Variants in ANTXR1 observed in about 807,000 individuals in gnomAD.
ANTXR1 encodes ANTXR cell adhesion molecule 1, also known as anthrax toxin receptor 1.
A neutral mutation model predicts 78.1 loss-of-function variants in ANTXR1; 19 were observed. That is an observed-to-expected ratio of 0.24 (90% confidence interval 0.17 to 0.36). The LOEUF is 0.36. Among genes scored for constraint, ANTXR1 ranks in the 10% least tolerant of loss-of-function variants. The pLI, the probability that ANTXR1 is intolerant of heterozygous loss-of-function variation, is 1.00. For missense variants in ANTXR1, 518 were observed against 718.6 expected (o/e 0.72, Z 3.19); for synonymous variants, 273 against 260.5 (o/e 1.05, Z -0.46).
chr2:69,106,562 A>C (rs1294892286), intron 10 of ANTXR1, among the ~76,000 whole-genome samples: 14 of 152,252 alleles, frequency 9.2e-5, no homozygotes, highest in Admixed American at 8.5e-4. Flanking sequence ...ATCAGGCTCC[A>C]GCAGGATACA....
At chr2:69,185,190 A>G (rs1674387537) in intron 16 of ANTXR1, among the ~76,000 whole-genome samples, 1 of 152,202 alleles carries the variant, frequency 6.6e-6, no homozygotes, top group Non-Finnish European at 1.5e-5. Context: ...AAGATCTACT[A>G]AATCAAAAAC....
chr2:69,207,489 G>A (rs1157826991), intron 17 of ANTXR1, among the ~76,000 whole-genome samples: 1 of 152,192 alleles, frequency 6.6e-6, no homozygotes, highest in African/African-American at 2.4e-5. Flanking sequence ...AGAGAGAGAT[G>A]CAGTTTCACG....
chr2:69,223,928 C>G (rs1239735487), intron 17 of ANTXR1, among the ~76,000 whole-genome samples: 2 of 152,334 alleles, frequency 1.3e-5, no homozygotes, highest in Non-Finnish European at 2.9e-5. Context: ...AACCACACCT[C>G]CACCCTTCCC....
In ANTXR1 at chr2:69,102,835, A is replaced by G; in HGVS notation, c.704-7A>G. On this transcript the variant is annotated splice_region_variant and splice_polypyrimidine_tract_variant and intron_variant, in intron 9 of 17. Coordinates refer to ENST00000303714, the MANE Select transcript of ANTXR1 (RefSeq NM_032208.3). ...GTAACGAGTCTCGTCATTATTCTTT[A>G]TTTCAGAGTCATTTCAAGTTGTCGT... The G allele has an allele frequency of 6.2e-7, 1 of 1,613,672 alleles. No individual in the cohort carries two copies. The highest frequency in any genetic ancestry group is 1.7e-5 in the Admixed American group (1 of 60,026).
intron 14 of ANTXR1, among the ~76,000 whole-genome samples, chr2:69,176,083 C>A (rs761050457): frequency 3.1e-4 from 47 of 151,404 alleles, no homozygotes; most frequent in Non-Finnish European, 5.2e-4. Context: ...AGACACCCCC[C>A]CACACACACA....
intron 3 of ANTXR1, among the ~76,000 whole-genome samples, chr2:69,069,889 T>TTA (rs896564223): frequency 1.3e-5 from 2 of 152,188 alleles, no homozygotes; most frequent in Admixed American, 6.5e-5. Flanking sequence ...GGGTTACAGT[T>TTA]TATGAATAAG....
chr2:69,117,179 G>A (rs1672171180), intron 10 of ANTXR1, among the ~76,000 whole-genome samples: 1 of 152,182 alleles, frequency 6.6e-6, no homozygotes, highest in African/African-American at 2.4e-5. Flanking sequence ...TGAAGATCTT[G>A]GCCATGTGCC....
chr2:69,186,216 G>A (rs1018326906), intron 16 of ANTXR1, among the ~76,000 whole-genome samples: 3 of 152,316 alleles, frequency 2.0e-5, no homozygotes, highest in Non-Finnish European at 2.9e-5. Context: ...TCTCTCTGAG[G>A]AGAGAAGAGA....
At chr2:69,084,284 G>C (rs1245140849) in intron 8 of ANTXR1, among the ~76,000 whole-genome samples, 3 of 152,162 alleles carry the variant, frequency 2.0e-5, no homozygotes, top group African/African-American at 7.2e-5. Context: ...GGTTTAGTGG[G>C]GAAACAAATG....
At chr2:69,077,720 T>C (rs1448267391) in intron 8 of ANTXR1, among the ~76,000 whole-genome samples, 1 of 152,228 alleles carries the variant, frequency 6.6e-6, no homozygotes, top group Non-Finnish European at 1.5e-5. Flanking sequence ...GGCGCTACTC[T>C]GGCAGTGAGC....
At chr2:69,233,742 G>C (rs1024261991) in intron 17 of ANTXR1, among the ~76,000 whole-genome samples, 1 of 151,594 alleles carries the variant, frequency 6.6e-6, no homozygotes, top group African/African-American at 2.4e-5. Flanking sequence ...ACAAGAATAA[G>C]ATAAGGACAC....
chr2:69,133,099 AT>A (rs200537754), intron 12 of ANTXR1, among the ~76,000 whole-genome samples: 2,715 of 152,216 alleles, frequency 0.018, 81 homozygotes, highest in African/African-American at 0.06. Flanking sequence ...CCTAAGAAGG[AT>A]TTTCACCCCT....
chr2:69,235,452 C>A (rs1339920263), intron 17 of ANTXR1, among the ~76,000 whole-genome samples: 1 of 151,814 alleles, frequency 6.6e-6, no homozygotes, highest in Non-Finnish European at 1.5e-5. Flanking sequence ...GAGTTTGAGA[C>A]CAGCCTGGGC....
chr2:69,146,873 C>T (rs1034562683), intron 12 of ANTXR1, among the ~76,000 whole-genome samples: 2 of 152,226 alleles, frequency 1.3e-5, no homozygotes, highest in African/African-American at 4.8e-5. Context: ...TCCTGGCCAC[C>T]CTTTCCCCTG....
chr2:69,013,584 G>T lies in ANTXR1; in HGVS notation c.85G>T (p.Gly29Trp). ...ATLVLICAGQ[G>W]GRREDGGPAC... The stretch of plus-strand genomic sequence containing the variant: ...TCTGGTGCTCATCTGCGCCGGGCAA[G>T]GGGGACGCAGGGAGGATGGGGGTCC... The change falls in exon 1 of 18, where the codon GGG (glycine) becomes TGG (tryptophan). Residue 29 changes from glycine (G) to tryptophan (W), a missense_variant. Transcript: ENST00000303714. The surrounding 1 kb of genome is among the most constrained non-coding windows in gnomAD (Gnocchi z 5.0). 1 of 1,566,226 alleles carries T rather than the reference G, an allele frequency of 6.4e-7. No homozygotes were observed. Among genetic ancestry groups the T allele is most frequent in the South Asian group, 1.2e-5 (1 of 85,204 alleles).
At chr2:69,114,869 C>T (rs1191539193) in intron 10 of ANTXR1, among the ~76,000 whole-genome samples, 1 of 152,212 alleles carries the variant, frequency 6.6e-6, no homozygotes, top group East Asian at 1.9e-4. Context: ...TTACCTCCTC[C>T]CTTTTCTACC....
intron 10 of ANTXR1, among the ~76,000 whole-genome samples, chr2:69,110,361 G>GA (rs1474982008): frequency 1.3e-5 from 2 of 151,696 alleles, no homozygotes; most frequent in Non-Finnish European, 2.9e-5. Flanking sequence ...AATAGCAAAA[G>GA]AAAAAATGGA....
intron 10 of ANTXR1, among the ~76,000 whole-genome samples, chr2:69,120,244 A>G (rs991025047): frequency 5.3e-5 from 8 of 152,248 alleles, no homozygotes; most frequent in Non-Finnish European, 1.2e-4. Context: ...GAATAGTTGT[A>G]TGGGTACTCA....
chr2:69,075,473 C>A, intron 6 of ANTXR1, 117 bp from the exon 7 acceptor site: 1 of 978,758 alleles, frequency 1.0e-6, no homozygotes, highest in Non-Finnish European at 1.7e-6. Context: ...CAGTATGGCA[C>A]CAGGCACATG....
Sources: allele counts gnomAD v4.1 joint callset (sites outside exome capture counted in the v4.1 genomes callset), GRCh38; gene constraint gnomAD v4.1.1; non-coding constraint Gnocchi (gnomAD v3.1); transcripts MANE v1.5; gene names NCBI Gene and HGNC (gene_info 2026-07-23, HGNC 2026-07-21).